Variants in COL17A1 observed in about 807,000 individuals in gnomAD.
COL17A1 encodes the protein collagen alpha-1(XVII) chain.
A neutral mutation model predicts 218.4 loss-of-function variants in COL17A1; 181 were observed. The ratio of observed to expected loss-of-function variants is 0.83; its 90% CI spans 0.73 to 0.94. The LOEUF is 0.94. Among genes scored for constraint, COL17A1 ranks in the 40% least tolerant of loss-of-function variants. The probability of loss-of-function intolerance (pLI) is 0.00; values close to 1 mark genes in which losing one functional copy is unlikely to be tolerated. For synonymous variants in COL17A1, 721 were observed against 731.0 expected (o/e 0.99, Z 0.22); for missense variants, 1,924 against 1,945.9 (o/e 0.99, Z 0.21).
intron 1 of COL17A1, among the ~76,000 whole-genome samples, chr10:104,083,581 T>C (rs1440331107): frequency 6.6e-6 from 1 of 152,256 alleles, no homozygotes; most frequent in Non-Finnish European, 1.5e-5. Flanking sequence ...TTTCTACTTT[T>C]ATGAGTTTTT....
Position 104,061,394 on chromosome 10 carries a change from G to C in COL17A1, c.979+11C>G, listed in dbSNP as rs755243855. The C allele has an allele frequency of 2.5e-6, 4 of 1,612,676 alleles. No individual in the cohort carries two copies. The Admixed American group carries it at 6.7e-5, about 27-fold the overall frequency. On this transcript the variant is annotated intron_variant, in intron 13 of 55. Coordinates refer to ENST00000648076, the MANE Select transcript of COL17A1 (RefSeq NM_000494.4). ...CCAGCCTGAACCCTGGCAGCTGGGA[G>C]CAGCACTCACCGGCGGAGGTGGAAA...
intron 33 of COL17A1, among the ~76,000 whole-genome samples, chr10:104,044,869 T>A (rs575702578): frequency 4.1e-4 from 63 of 152,210 alleles, no homozygotes; most frequent in Non-Finnish European, 6.8e-4. Context: ...ACGGACCTAG[T>A]GTGGTCTGCC....
intron 31 of COL17A1, among the ~76,000 whole-genome samples, chr10:104,047,338 G>A (rs908562070): frequency 5.3e-5 from 8 of 152,132 alleles, no homozygotes; most frequent in Non-Finnish European, 7.4e-5. Flanking sequence ...GAGGACAAGA[G>A]GAGAAGGGCT....
chr10:104,065,180 A>G (rs961665989), intron 9 of COL17A1, among the ~76,000 whole-genome samples: 1 of 152,104 alleles, frequency 6.6e-6, no homozygotes, highest in African/African-American at 2.4e-5. Flanking sequence ...CTGCTTCTTC[A>G]TATTTGGGGC....
At chr10:104,069,695 T>C (rs2086654185) in intron 9 of COL17A1, among the ~76,000 whole-genome samples, 1 of 152,104 alleles carries the variant, frequency 6.6e-6, no homozygotes, top group South Asian at 2.1e-4. Flanking sequence ...TCCTCCACCC[T>C]GTCATCCTTT....
Position 104,036,495 on chromosome 10 carries a change from A to C in COL17A1, c.3415T>G (p.Ser1139Ala). 4 of 1,613,828 alleles carry C rather than the reference A, an allele frequency of 2.5e-6. No individual in the cohort carries two copies. Among genetic ancestry groups the C allele is most frequent in the Non-Finnish European group, 3.4e-6 (4 of 1,179,894 alleles). The part of the protein sequence containing the change: ...ELSSRILSYM[S>A]SSGISIGLPG... ...CACCCCTCCTGCAGACACTTACTCG[A>C]CATGTAGCTGAGAATGCGACTACTC... The change falls in exon 48 of 56, where the codon TCG becomes GCG. Residue 1139 changes from serine (S) to alanine (A), a missense_variant. Coordinates refer to ENST00000648076, the MANE Select transcript of COL17A1 (RefSeq NM_000494.4).
chr10:104,039,396 C>A, intron 43 of COL17A1, 49 bp downstream of exon 43: 2 of 1,590,676 alleles, frequency 1.3e-6, no homozygotes, highest in Non-Finnish European at 1.7e-6. Flanking sequence ...GCTCTGGGCA[C>A]CAGGCTCACC....
intron 31 of COL17A1, 109 bp downstream of exon 31, chr10:104,047,630 C>G: frequency 1.1e-6 from 1 of 923,218 alleles, no homozygotes; most frequent in South Asian, 1.4e-5. Context: ...ACCCCTTCCC[C>G]CACAACCTGC....
At chr10:104,035,239 C>G (rs1589555620) in intron 50 of COL17A1, 24 bp downstream of exon 50, 3 of 1,596,134 alleles carry the variant, frequency 1.9e-6, no homozygotes, top group Non-Finnish European at 2.6e-6. Flanking sequence ...CCTGCCCTCC[C>G]CATCCCACTC....
chr10:104,062,093 A>C (rs1401616790), intron 12 of COL17A1, among the ~76,000 whole-genome samples, 165 bp downstream of exon 12: 1 of 152,140 alleles, frequency 6.6e-6, no homozygotes, highest in Non-Finnish European at 1.5e-5. Context: ...TGCTTGACTC[A>C]TGTCTGAGCC....
chr10:104,036,621 G>T lies in COL17A1; in HGVS notation c.3289C>A (p.Arg1097Ser), dbSNP rs752952769. 1.2e-6 allele frequency: 2 copies of T among 1,613,804 alleles called. No individual in the cohort carries two copies. Among genetic ancestry groups the T allele is most frequent in the South Asian group, 2.2e-5 (2 of 91,078 alleles). Residue 1097 changes from arginine to serine, a missense_variant, in exon 48 of 56, where the codon CGT (arginine) becomes AGT (serine). By Grantham distance (110) the Arg-to-Ser change is moderately radical (BLOSUM62 -1). Transcript: ENST00000648076. ...ATCAAGTACTGACGTAGGTACTGAC[G>T]CACGTCATCCCCTGGAGAGGAGAGG... ...ILAVLQRDDVRQYLRQYLMGP... is the reference protein window; with the variant it reads ...ILAVLQRDDVSQYLRQYLMGP...
chr10:104,039,141 G>C lies in COL17A1; in HGVS notation c.2897-20C>G, dbSNP rs546624335. Reference sequence around the variant, plus strand: ...GATCACCTGGAATCCAAAATGAGAAGTTTGCCTCACCTCCTCCAGGAAGCC... The same window carrying C: ...GATCACCTGGAATCCAAAATGAGAACTTTGCCTCACCTCCTCCAGGAAGCC... On this transcript the variant is annotated intron_variant, in intron 43 of 55. Coordinates refer to ENST00000648076, the MANE Select transcript of COL17A1 (RefSeq NM_000494.4). The C allele has an allele frequency of 6.2e-6, 10 of 1,613,872 alleles. No homozygotes were observed. In the African/African-American group the frequency reaches 1.3e-4, roughly 22 times the overall value.
At chr10:104,052,718 T>C (rs562782228) in intron 23 of COL17A1, among the ~76,000 whole-genome samples, 12 of 152,246 alleles carry the variant, frequency 7.9e-5, no homozygotes, top group African/African-American at 2.9e-4. Flanking sequence ...TGCCCTGCCC[T>C]GCCCCCTGAG....
At position 104,083,158 on chromosome 10, in the gene COL17A1, A is replaced by T. The variant is rs192448036; in HGVS notation, c.-11-2474T>A. Among the ~76,000 whole-genome samples the T allele has an allele frequency of 2.6e-4, 39 of 152,336 alleles. 1 individual carries two copies. Among genetic ancestry groups the T allele is most frequent in the Admixed American group, 2.5e-3 (38 of 15,298 alleles). On this transcript the variant is annotated intron_variant, in intron 1 of 55. Transcript: ENST00000648076. ...GTGATGGCGTGGGGCACAAGCCTGG[A>T]CTAGGATCTTCCCATGGGACCTACA...
chr10:104,061,288 G>T (rs117767380), intron 13 of COL17A1, 117 bp downstream of exon 13: 13,077 of 1,042,812 alleles, frequency 0.013, 101 homozygotes, highest in Non-Finnish European at 0.015. Flanking sequence ...CCACTCATGG[G>T]TCCTATTTCC....
chr10:104,048,149 T>A (rs375150729), intron 29 of COL17A1, 45 bp from the exon 30 acceptor site: 70 of 1,605,416 alleles, frequency 4.4e-5, no homozygotes, highest in Non-Finnish European at 6.0e-5. Context: ...CTGGAGTGAT[T>A]TCTGCGATTC....
intron 1 of COL17A1, among the ~76,000 whole-genome samples, chr10:104,083,778 G>T (rs899816909): frequency 1.3e-5 from 2 of 152,120 alleles, no homozygotes; most frequent in African/African-American, 4.8e-5. Flanking sequence ...GAAACACTTT[G>T]TTCTTGATAC....
In COL17A1 at chr10:104,032,169, G is replaced by GA; in HGVS notation, c.*65dup. The GA allele has an allele frequency of 7.7e-7, 1 of 1,291,086 alleles. No individual in the cohort carries two copies. Among genetic ancestry groups the GA allele is most frequent in the Non-Finnish European group, 1.1e-6 (1 of 887,132 alleles). The allele number at this position is 1,291,086 out of a possible 1,614,324, so 80.0% of individuals were successfully genotyped here. A position where few individuals can be genotyped will look rare whatever the true frequency, so the allele number is the denominator to read the frequency against. ...CAGACTCCAGCTTTCACCCTCTGGA[G>GA]ACCTTGGACCTAAGTGCCACATGCA... On this transcript the variant is annotated 3_prime_UTR_variant, in exon 56 of 56. Transcript: ENST00000648076.
rs982260786 is a variant in COL17A1 at position 104,052,967 on chromosome 10, G to A, written c.1939+64C>T. 3.9e-6 allele frequency: 6 copies of A among 1,554,490 alleles called. No homozygotes were observed. The African/African-American group carries it at 6.8e-5, about 18-fold the overall frequency. ...CAGAGACAGAGTGAAGGAGGGACGGGTGTTGACAGAGAGAAGGAAGCACAG... is the reference window on the plus strand; with the variant it reads ...CAGAGACAGAGTGAAGGAGGGACGGATGTTGACAGAGAGAAGGAAGCACAG... On this transcript the variant is annotated intron_variant, in intron 23 of 55. Transcript: ENST00000648076.
Sources: gnomAD v4.1 joint callset for allele counts (sites outside exome capture counted in the v4.1 genomes callset) on GRCh38, gnomAD v4.1.1 for gene constraint, MANE v1.5 for transcripts, NCBI Gene and HGNC (gene_info 2026-07-23, HGNC 2026-07-21) for gene names.